The following HDAC9 variants were observed in gnomAD, a reference collection of about 807,000 sequenced individuals.
The protein encoded by HDAC9 is histone deacetylase 9.
In HDAC9, 41 loss-of-function variants were observed where a neutral mutation model predicts 139.4. The observed-to-expected ratio is 0.29, with a 90% CI of 0.23 to 0.38. The LOEUF (loss-of-function observed/expected upper bound fraction) is 0.38, where lower values mean the gene tolerates loss of function less well. Ranked by LOEUF, HDAC9 falls within the 10% of genes least tolerant of loss-of-function variation. The pLI is 1.00. For synonymous variants in HDAC9, 517 were observed against 476.2 expected (o/e 1.09, Z -1.12); for missense variants, 1,147 against 1,297.0 (o/e 0.88, Z 1.78).
At chr7:18,274,724 C>G (rs1338687857) in intron 2 of HDAC9, among the ~76,000 whole-genome samples, 1 of 152,046 alleles carries the variant, frequency 6.6e-6, no homozygotes, top group African/African-American at 2.4e-5. Flanking sequence ...TTGTCATGGA[C>G]AAATCTCAAA....
intron 1 of HDAC9, among the ~76,000 whole-genome samples, chr7:18,306,849 T>G (rs1246011484): frequency 6.6e-6 from 1 of 152,082 alleles, no homozygotes; most frequent in African/African-American, 2.4e-5. Context: ...CTATTTTGGA[T>G]TTGCGAAACA....
At chr7:18,177,341 C>T (rs1789001212) in intron 2 of HDAC9, among the ~76,000 whole-genome samples, 1 of 152,208 alleles carries the variant, frequency 6.6e-6, no homozygotes, top group African/African-American at 2.4e-5. Context: ...CGATTAATCT[C>T]TTCTCAGCCT....
At chr7:18,221,923 G>A (rs769880724) in intron 2 of HDAC9, among the ~76,000 whole-genome samples, 32 of 152,124 alleles carry the variant, frequency 2.1e-4, no homozygotes, top group Non-Finnish European at 3.5e-4. Context: ...CTTGGAAAAT[G>A]CAAAATATCT....
Position 18,438,645 on chromosome 7 carries a change from C to CGTGT in HDAC9, c.-41-57590_-41-57587dup, listed in dbSNP as rs5882662. Among the ~76,000 whole-genome samples the CGTGT allele has an allele frequency of 4.6e-3, 686 of 148,048 alleles. 3 individuals are homozygous for CGTGT. Among genetic ancestry groups the CGTGT allele is most frequent in the African/African-American group, 0.015 (621 of 40,310 alleles). On this transcript the variant is annotated intron_variant, in intron 1 of 3. Coordinates refer to the HDAC9 transcript ENST00000413509. ...AAAAGACAGTGATATGCTGTGTGTGCGTGTGTGTGTGTGTGTGTGTGTGTG... is the reference window on the plus strand; with the variant it reads ...AAAAGACAGTGATATGCTGTGTGTGCGTGTGTGTGTGTGTGTGTGTGTGTGTGTG...
intron 1 of HDAC9, among the ~76,000 whole-genome samples, chr7:18,480,849 A>C (rs770134485): frequency 6.6e-6 from 1 of 152,214 alleles, no homozygotes; most frequent in Non-Finnish European, 1.5e-5. Context: ...CTGGGCTGCT[A>C]CATTGCCAAC....
intron 1 of HDAC9, among the ~76,000 whole-genome samples, chr7:18,369,976 A>G (rs1284721587): frequency 2.0e-5 from 3 of 152,174 alleles, no homozygotes; most frequent in Non-Finnish European, 4.4e-5. Context: ...GGTTGAAAGC[A>G]TATTCAAGAA....
Position 18,215,146 on chromosome 7 carries a change from A to T in HDAC9, c.25+52797A>T, listed in dbSNP as rs1007741029. ...ATTCTATTCTACCCTATTCTATTAG[A>T]CAATTTTATATCCAAACAATTACTG... is the stretch of plus-strand genomic sequence containing the variant. On this transcript the variant is annotated intron_variant, in intron 2 of 12. Transcript: ENST00000417496. Among the ~76,000 whole-genome samples the T allele has an allele frequency of 2.0e-5, 3 of 152,170 alleles. No individual in the cohort carries two copies. In the East Asian group the frequency reaches 5.8e-4, roughly 29 times the overall value.
intron 2 of HDAC9, among the ~76,000 whole-genome samples, chr7:18,184,567 A>G (rs549071791): frequency 6.6e-6 from 1 of 152,184 alleles, no homozygotes; most frequent in Admixed American, 6.6e-5. Context: ...ACCTGAGGTA[A>G]GGTGAGGAAT....
At chr7:18,668,890 G>A (rs1795480174) in intron 12 of HDAC9, 2 of 981,194 alleles carry the variant, frequency 2.0e-6, no homozygotes, top group East Asian at 1.1e-4. Flanking sequence ...GTATTTAATC[G>A]AAGTTGAAGC....
chr7:18,374,022 A>G (rs1271563403), intron 1 of HDAC9, among the ~76,000 whole-genome samples: 2 of 152,070 alleles, frequency 1.3e-5, no homozygotes, highest in Admixed American at 1.3e-4. Flanking sequence ...AATTATTGAA[A>G]TCACAAAATG....
intron 1 of HDAC9, among the ~76,000 whole-genome samples, chr7:18,476,561 T>A (rs1190429477): frequency 6.6e-6 from 1 of 151,856 alleles, no homozygotes; most frequent in Admixed American, 6.6e-5. Context: ...AAACCCAACA[T>A]GACGTAAGTT....
At chr7:18,622,081 A>G (rs1840359966) in intron 6 of HDAC9, among the ~76,000 whole-genome samples, 1 of 152,170 alleles carries the variant, frequency 6.6e-6, no homozygotes, top group Non-Finnish European at 1.5e-5. Flanking sequence ...CAAAACATTT[A>G]AATATGGCAG....
intron 12 of HDAC9, among the ~76,000 whole-genome samples, chr7:18,696,759 T>C (rs1783082233): frequency 1.3e-5 from 2 of 152,156 alleles, no homozygotes; most frequent in Non-Finnish European, 2.9e-5. Flanking sequence ...TGAGCCACCG[T>C]GCCCAGCCAG....
chr7:18,126,081 A>G (rs1210689425), intron 1 of HDAC9, among the ~76,000 whole-genome samples: 1 of 152,132 alleles, frequency 6.6e-6, no homozygotes, highest in African/African-American at 2.4e-5. Context: ...TATATAGTCA[A>G]CTACTCTAAA....
At chr7:18,308,133 C>G (rs1461838848) in intron 1 of HDAC9, among the ~76,000 whole-genome samples, 1 of 152,120 alleles carries the variant, frequency 6.6e-6, no homozygotes, top group Non-Finnish European at 1.5e-5. Context: ...TTTATATTGC[C>G]AAGTAGCTTA....
intron 1 of HDAC9, chr7:18,429,293 G>A (rs1790413692): frequency 6.6e-6 from 1 of 152,094 alleles, no homozygotes; most frequent in Admixed American, 6.6e-5. Flanking sequence ...TAAATAATAA[G>A]TGAGTAGGAA....
chr7:18,299,136 A>G (rs73305258), intron 1 of HDAC9, among the ~76,000 whole-genome samples: 2,998 of 152,200 alleles, frequency 0.02, 101 homozygotes, highest in African/African-American at 0.068. Context: ...GTAAAGTGGT[A>G]CATTTAATGT....
At chr7:18,929,865 G>T (rs1804575609) in intron 22 of HDAC9, among the ~76,000 whole-genome samples, 1 of 152,060 alleles carries the variant, frequency 6.6e-6, no homozygotes, top group Admixed American at 6.6e-5. Flanking sequence ...CTTGAACCCG[G>T]GAGGTGGAGG....
intron 1 of HDAC9, among the ~76,000 whole-genome samples, chr7:18,378,262 A>G (rs1021032245): frequency 6.6e-6 from 1 of 152,132 alleles, no homozygotes; most frequent in Non-Finnish European, 1.5e-5. Context: ...ACTATTAGAA[A>G]CTTTCTTTTA....
Sources: allele counts gnomAD v4.1 joint callset (sites outside exome capture counted in the v4.1 genomes callset), GRCh38; gene constraint gnomAD v4.1.1; transcripts MANE v1.5; gene names NCBI Gene and HGNC (gene_info 2026-07-23, HGNC 2026-07-21).